ELK3: variants seen among roughly 807,000 people sequenced by gnomAD.
ELK3 encodes ETS domain-containing protein Elk-3.
A neutral mutation model predicts 28.9 loss-of-function variants in ELK3; 10 were observed. That is an observed-to-expected ratio of 0.35 (90% CI 0.21 to 0.59). ELK3 has a LOEUF of 0.59. Among genes scored for constraint, ELK3 ranks in the 20% least tolerant of loss-of-function variants. ELK3 has a pLI of 0.82. For synonymous variants in ELK3, 272 were observed against 243.5 expected (o/e 1.12, Z -1.09); for missense variants, 463 against 517.3 (o/e 0.90, Z 1.02).
intron 4 of ELK3, 47 bp downstream of exon 4, chr12:96,259,900 G>A: frequency 1.3e-6 from 2 of 1,531,452 alleles, no homozygotes; most frequent in Non-Finnish European, 8.8e-7. Flanking sequence ...TCTGAGGGAT[G>A]GTTTTTTCTC....
chr12:96,226,927 A>G (rs1052456533), intron 2 of ELK3, among the ~76,000 whole-genome samples: 1 of 152,162 alleles, frequency 6.6e-6, no homozygotes, highest in Non-Finnish European at 1.5e-5. Context: ...AGATGACGAA[A>G]ACTACACTCT....
intron 1 of ELK3, among the ~76,000 whole-genome samples, chr12:96,212,357 G>A (rs1474671073): frequency 6.6e-6 from 1 of 152,238 alleles, no homozygotes; most frequent in Non-Finnish European, 1.5e-5. Flanking sequence ...GGAAGGAACA[G>A]CCCATCTGTT....
intron 4 of ELK3, among the ~76,000 whole-genome samples, chr12:96,265,178 G>C (rs529579377): frequency 4.2e-4 from 64 of 152,300 alleles, no homozygotes; most frequent in Admixed American, 2.2e-3. Context: ...TTTAAAATAG[G>C]GGAGTGTCAT....
At chr12:96,216,858 G>T (rs187648939) in intron 1 of ELK3, among the ~76,000 whole-genome samples, 2 of 152,214 alleles carry the variant, frequency 1.3e-5, no homozygotes, top group African/African-American at 4.8e-5. Context: ...CAACCAGACA[G>T]GACGAGTCTT....
chr12:96,195,673 G>C (rs1951459484), intron 1 of ELK3, among the ~76,000 whole-genome samples: 3 of 152,072 alleles, frequency 2.0e-5, no homozygotes, highest in African/African-American at 7.3e-5. Context: ...AAAAAAAAAC[G>C]AGTGTCGGGA....
At chr12:96,215,629 CTTTTT>C (rs10611662) in intron 1 of ELK3, among the ~76,000 whole-genome samples, 11 of 133,500 alleles carry the variant, frequency 8.2e-5, no homozygotes, top group Admixed American at 3.0e-4. Flanking sequence ...GACATAAAAC[CTTTTT>C]TTTTTTTTTT....
At chr12:96,207,211 C>T (rs567853663) in intron 1 of ELK3, among the ~76,000 whole-genome samples, 2 of 152,320 alleles carry the variant, frequency 1.3e-5, no homozygotes, top group East Asian at 3.9e-4. Flanking sequence ...TTTTTACTTC[C>T]TGTTAAAATT....
chr12:96,238,088 G>A (rs1157157163), intron 2 of ELK3, among the ~76,000 whole-genome samples: 2 of 152,188 alleles, frequency 1.3e-5, no homozygotes, highest in Admixed American at 1.3e-4. Flanking sequence ...ATGAGATTTT[G>A]TGTGAGCCTT....
chr12:96,262,220 T>C (rs1951998462), intron 4 of ELK3, among the ~76,000 whole-genome samples: 1 of 152,098 alleles, frequency 6.6e-6, no homozygotes, highest in Non-Finnish European at 1.5e-5. Context: ...AGTTTTGCCA[T>C]GTTGGCCAGG....
At chr12:96,220,382 A>ATTTTTTTTT (rs35309478) in intron 1 of ELK3, among the ~76,000 whole-genome samples, 1 of 100,324 alleles carries the variant, frequency 1.0e-5, no homozygotes, top group Non-Finnish European at 1.8e-5. Context: ...CTTTTTCGTG[A>ATTTTTTTTT]TTTTTTTTTT....
chr12:96,204,871 C>G (rs1951530087), intron 1 of ELK3, among the ~76,000 whole-genome samples: 1 of 152,234 alleles, frequency 6.6e-6, no homozygotes, highest in Admixed American at 6.5e-5. Flanking sequence ...CCTCTTCATC[C>G]CCTTATTGGA....
chr12:96,246,127 T>C (rs10492222), intron 2 of ELK3, among the ~76,000 whole-genome samples: 11,016 of 152,298 alleles, frequency 0.072, 429 homozygotes, highest in African/African-American at 0.1. Flanking sequence ...GAATGCTTTC[T>C]CATTATTATT....
At chr12:96,228,557 G>A (rs771382799) in intron 2 of ELK3, among the ~76,000 whole-genome samples, 2 of 151,942 alleles carry the variant, frequency 1.3e-5, no homozygotes, top group African/African-American at 2.4e-5. Context: ...GCACTTTGTC[G>A]TGCTTTTTAA....
rs115709935 is a variant in ELK3 at position 96,253,506 on chromosome 12, A to T, written c.1002+5772A>T. On this transcript the variant is annotated intron_variant, in intron 3 of 4. Coordinates refer to ENST00000228741, the MANE Select transcript of ELK3 (RefSeq NM_005230.4). ...TTCTGTGGGATTAACTCACCTTTTAAAGACCTTAAAACCATGGTTTCACTT... is the reference window on the plus strand; with the variant it reads ...TTCTGTGGGATTAACTCACCTTTTATAGACCTTAAAACCATGGTTTCACTT... 4.4e-3 allele frequency among the ~76,000 whole-genome samples: 674 copies of T among 152,272 alleles called. 6 individuals carry two copies. The highest frequency in any genetic ancestry group is 0.016 in the African/African-American group (645 of 41,548).
intron 2 of ELK3, among the ~76,000 whole-genome samples, chr12:96,244,417 A>G (rs1951842286): frequency 6.7e-6 from 1 of 150,374 alleles, no homozygotes; most frequent in Non-Finnish European, 1.5e-5. Flanking sequence ...CAACTTAGAC[A>G]TGATGTTCCA....
chr12:96,197,800 A>G (rs995130037), intron 1 of ELK3, among the ~76,000 whole-genome samples: 1 of 152,246 alleles, frequency 6.6e-6, no homozygotes, highest in Admixed American at 6.5e-5. Context: ...TATATAAAAA[A>G]TTAAATAAGT....
chr12:96,236,776 G>T (rs1951787419), intron 2 of ELK3, among the ~76,000 whole-genome samples: 2 of 152,190 alleles, frequency 1.3e-5, no homozygotes, highest in African/African-American at 4.8e-5. Flanking sequence ...GTTTCCCAGG[G>T]CTGCTGTAAC....
chr12:96,246,837 G>C (rs1260596452), intron 2 of ELK3, 103 bp from the exon 3 acceptor site: 2 of 1,217,596 alleles, frequency 1.6e-6, no homozygotes, highest in Non-Finnish European at 2.3e-6. Context: ...TGTAAATCAG[G>C]AACATTTTGG....
intron 1 of ELK3, among the ~76,000 whole-genome samples, chr12:96,216,016 G>T (rs1951614646): frequency 6.6e-6 from 1 of 152,150 alleles, no homozygotes; most frequent in Admixed American, 6.5e-5. Flanking sequence ...CTCAGAGTCT[G>T]CAAAAATGTC....
Sources: gnomAD v4.1 joint callset for allele counts (sites outside exome capture counted in the v4.1 genomes callset) on GRCh38, gnomAD v4.1.1 for gene constraint, MANE v1.5 for transcripts, NCBI Gene and HGNC (gene_info 2026-07-23, HGNC 2026-07-21) for gene names.